TAOK1: variants seen among roughly 807,000 people sequenced by gnomAD.
The protein encoded by TAOK1 is serine/threonine-protein kinase TAO1.
A neutral mutation model predicts 138.3 loss-of-function variants in TAOK1; 21 were observed. The observed-to-expected ratio is 0.15, with a 90% CI of 0.11 to 0.22. TAOK1 has a LOEUF of 0.22. TAOK1 is among the 10% of genes least tolerant of loss of function. The probability of loss-of-function intolerance (pLI) is 1.00; values close to 1 mark genes in which losing one functional copy is unlikely to be tolerated. For synonymous variants in TAOK1, 361 were observed against 398.4 expected, an observed-to-expected ratio of 0.91 and a Z score of 1.12; for missense variants, 651 against 1,227.7, an observed-to-expected ratio of 0.53 and a Z score of 7.02.
intron 1 of TAOK1, among the ~76,000 whole-genome samples, chr17:29,400,222 C>T (rs1194044930): frequency 2.0e-5 from 3 of 151,888 alleles, no homozygotes; most frequent in South Asian, 2.1e-4. Context: ...GGTGAAACCC[C>T]GTCTTTACTA....
At chr17:29,399,792 G>A (rs1025145282) in intron 1 of TAOK1, among the ~76,000 whole-genome samples, 1 of 152,084 alleles carries the variant, frequency 6.6e-6, no homozygotes. Context: ...GTGCAGTGGT[G>A]AGATCAAAGT....
chr17:29,474,054 A>G (rs1265538512), intron 3 of TAOK1, among the ~76,000 whole-genome samples: 3 of 152,018 alleles, frequency 2.0e-5, no homozygotes, highest in Admixed American at 2.0e-4. Context: ...TTTTTATTTT[A>G]CGGAGATAAT....
At chr17:29,524,449 T>A (rs1475171545) in intron 17 of TAOK1, among the ~76,000 whole-genome samples, 2 of 152,212 alleles carry the variant, frequency 1.3e-5, no homozygotes, top group Non-Finnish European at 2.9e-5. Context: ...ACCTTTCCGT[T>A]TTAAAGCTTA....
At chr17:29,480,871 C>CAAAA (rs398070899) in intron 7 of TAOK1, among the ~76,000 whole-genome samples, 2 of 96,840 alleles carry the variant, frequency 2.1e-5, no homozygotes, top group African/African-American at 8.7e-5. Flanking sequence ...CCCTGTCTCT[C>CAAAA]AAAAAAAAAA....
In TAOK1 at chr17:29,410,619, G is replaced by GTTTT. The variant is rs61646352; in HGVS notation, c.-95+19606_-95+19609dup. 2.6e-3 allele frequency among the ~76,000 whole-genome samples: 330 copies of GTTTT among 125,980 alleles called. 2 individuals are homozygous for GTTTT. Among genetic ancestry groups the GTTTT allele is most frequent in the African/African-American group, 9.5e-3 (322 of 33,974 alleles). The allele number at this position is 125,980 out of a possible 152,430, so 82.6% of individuals were successfully genotyped here. A position where few individuals can be genotyped will look rare whatever the true frequency, so the allele number is the denominator to read the frequency against. ...ACATATGTGTTAGCTAGGGTTTTTT[G>GTTTT]TTTTTTTTTTTTTTGGTTTTTTTTT... On this transcript the variant is annotated intron_variant, in intron 1 of 19. Transcript: ENST00000261716.
chr17:29,423,869 G>A (rs1027911081), intron 1 of TAOK1, among the ~76,000 whole-genome samples: 1 of 151,898 alleles, frequency 6.6e-6, no homozygotes, highest in African/African-American at 2.4e-5. Context: ...CCAACATGGC[G>A]AAACCCCGTC....
chr17:29,400,886 G>T (rs1401313770), intron 1 of TAOK1, among the ~76,000 whole-genome samples: 2 of 149,276 alleles, frequency 1.3e-5, no homozygotes, highest in Admixed American at 1.4e-4. Flanking sequence ...CATTATTATG[G>T]GAAACTTTTG....
At chr17:29,533,610 T>C (rs2032168407) in intron 18 of TAOK1, among the ~76,000 whole-genome samples, 1 of 151,926 alleles carries the variant, frequency 6.6e-6, no homozygotes, top group Admixed American at 6.6e-5. Context: ...AGGCGGAGGC[T>C]GGCGGATCAC....
intron 1 of TAOK1, among the ~76,000 whole-genome samples, chr17:29,431,916 C>T (rs1021955465): frequency 1.3e-5 from 2 of 151,112 alleles, no homozygotes; most frequent in Admixed American, 1.3e-4. Context: ...AAGCGATTCT[C>T]CTACCTCAGC....
chr17:29,433,039 C>T (rs1905900622), intron 1 of TAOK1, among the ~76,000 whole-genome samples: 1 of 152,174 alleles, frequency 6.6e-6, no homozygotes, highest in African/African-American at 2.4e-5. Flanking sequence ...GGATTATAGG[C>T]ATGAGCCACT....
chr17:29,400,390 CAAAA>C (rs565898026), intron 1 of TAOK1, among the ~76,000 whole-genome samples: 2 of 81,990 alleles, frequency 2.4e-5, no homozygotes, highest in Non-Finnish European at 2.7e-5. Context: ...AACTCCGTCT[CAAAA>C]AAAAAAAAAA....
chr17:29,443,816 A>C (rs542298258), intron 1 of TAOK1, among the ~76,000 whole-genome samples: 2 of 152,204 alleles, frequency 1.3e-5, no homozygotes, highest in Non-Finnish European at 2.9e-5. Flanking sequence ...AAATATTTAT[A>C]TTTTTAAACC....
intron 11 of TAOK1, among the ~76,000 whole-genome samples, chr17:29,496,346 G>A (rs1161329559): frequency 6.6e-6 from 1 of 152,042 alleles, no homozygotes; most frequent in Non-Finnish European, 1.5e-5. Flanking sequence ...TTGAACTCCT[G>A]ACCTCAGGTG....
intron 1 of TAOK1, among the ~76,000 whole-genome samples, chr17:29,404,296 A>G (rs1458575006): frequency 2.0e-5 from 3 of 151,950 alleles, no homozygotes; most frequent in Non-Finnish European, 4.4e-5. Flanking sequence ...ACAAGTAGCT[A>G]GGACTACAGC....
chr17:29,472,564 T>C (rs2030845843), intron 3 of TAOK1, among the ~76,000 whole-genome samples: 1 of 131,784 alleles, frequency 7.6e-6, no homozygotes, highest in African/African-American at 3.1e-5. Flanking sequence ...CTATAGCCTT[T>C]CTTTCTTTCT....
Position 29,453,808 on chromosome 17 carries a change from TG to T in TAOK1, c.132+2129del, listed in dbSNP as rs1167268042. ...CTAACTTCATTCACTTAGGTTTTTT[TG>T]TTTTTTTTTTTTTTGAGACAGGGTC... On this transcript the variant is annotated intron_variant, in intron 2 of 19. Coordinates refer to ENST00000261716, the MANE Select transcript of TAOK1 (RefSeq NM_020791.4). Among the ~76,000 whole-genome samples the T allele has an allele frequency of 8.3e-5, 12 of 144,976 alleles. No individual in the cohort carries two copies. In the East Asian group the frequency reaches 9.9e-4, roughly 12 times the overall value.
intron 16 of TAOK1, among the ~76,000 whole-genome samples, chr17:29,520,330 C>A (rs1474543881): frequency 6.6e-6 from 1 of 152,066 alleles, no homozygotes; most frequent in African/African-American, 2.4e-5. Flanking sequence ...TGGCTCACAC[C>A]TATAATTCCA....
chr17:29,517,970 C>G (rs996008120), intron 16 of TAOK1, among the ~76,000 whole-genome samples: 2 of 152,152 alleles, frequency 1.3e-5, no homozygotes, highest in Non-Finnish European at 2.9e-5. Context: ...ATTTTCGTGC[C>G]TCAGCCTCCC....
chr17:29,526,564 C>T (rs1346495887), intron 17 of TAOK1, among the ~76,000 whole-genome samples: 1 of 151,942 alleles, frequency 6.6e-6, no homozygotes, highest in Non-Finnish European at 1.5e-5. Context: ...TACAGGCATG[C>T]ACCACCACCT....
Sources: gnomAD v4.1 joint callset for allele counts (sites outside exome capture counted in the v4.1 genomes callset) on GRCh38, gnomAD v4.1.1 for gene constraint, MANE v1.5 for transcripts, NCBI Gene and HGNC (gene_info 2026-07-23, HGNC 2026-07-21) for gene names.